The following ZAP70 variants were observed in gnomAD, a reference collection of about 807,000 sequenced individuals.
The protein encoded by ZAP70 is zeta chain of T cell receptor associated protein kinase 70, also known as tyrosine-protein kinase ZAP-70.
ZAP70 carries 27 observed loss-of-function variants against 65.8 expected under a neutral mutation model. The observed-to-expected ratio is 0.41, with a 90% CI of 0.30 to 0.57. ZAP70 has a LOEUF of 0.57. Ranked by LOEUF, ZAP70 falls within the 20% of genes least tolerant of loss-of-function variation. The pLI, the probability that ZAP70 is intolerant of heterozygous loss-of-function variation, is 0.28. For missense variants in ZAP70, 696 were observed against 870.5 expected (o/e 0.80, Z 2.52); for synonymous variants, 363 against 360.8 (o/e 1.01, Z -0.07).
chr2:97,716,748 T>C (rs942431808), intron 2 of ZAP70, among the ~76,000 whole-genome samples: 2 of 151,986 alleles, frequency 1.3e-5, no homozygotes, highest in African/African-American at 2.4e-5. Flanking sequence ...ATGAAGGGCC[T>C]TGGGGGCCAC....
the ZAP70 span, among the ~76,000 whole-genome samples, chr2:97,746,394 T>C: frequency 6.6e-6 from 1 of 152,244 alleles, no homozygotes; most frequent in Non-Finnish European, 1.5e-5. Context: ...ACAGTTACTC[T>C]CTGTAAGTCC....
downstream of ZAP70, among the ~76,000 whole-genome samples, chr2:97,740,089 C>T (rs903978666): frequency 1.3e-5 from 2 of 152,084 alleles, no homozygotes; most frequent in Non-Finnish European, 2.9e-5. Context: ...GGCTGCGTGC[C>T]TGGCTGAGCC....
intron 4 of ZAP70, among the ~76,000 whole-genome samples, chr2:97,732,262 T>G (rs368769590): frequency 1.4e-4 from 22 of 152,320 alleles, no homozygotes; most frequent in East Asian, 1.4e-3. Context: ...GTCAGTCTCG[T>G]GATGAGAAAG....
downstream of ZAP70, among the ~76,000 whole-genome samples, chr2:97,743,903 C>A (rs1005584044): frequency 9.2e-5 from 14 of 152,300 alleles, no homozygotes; most frequent in African/African-American, 1.4e-4. Flanking sequence ...TTGGTACTAG[C>A]CTCCTAATGG....
intron 13 of ZAP70, chr2:97,738,657 G>A (rs774947190): frequency 3.1e-4 from 62 of 199,280 alleles, no homozygotes; most frequent in Admixed American, 5.3e-4. Context: ...ACAAGCGGAC[G>A]CCCTAGACTG....
chr2:97,718,380 C>G (rs1677030272), intron 2 of ZAP70, among the ~76,000 whole-genome samples: 1 of 152,220 alleles, frequency 6.6e-6, no homozygotes, highest in Non-Finnish European at 1.5e-5. Flanking sequence ...CTTTTCATCT[C>G]TGCCACCTCT....
In ZAP70 at chr2:97,724,268, T is replaced by C. The variant is rs767405698; in HGVS notation, c.232T>C (p.Cys78Arg). ...TYAIAGGKAH[C>R]GPAELCEFYS... ...CGCCATTGCCGGCGGCAAAGCGCAC[T>C]GTGGACCGGCAGAGCTCTGCGAGTT... Residue 78 changes from cysteine to arginine, a missense_variant, in exon 3 of 14, where the codon TGT becomes CGT. Physicochemically the swap from Cys to Arg is radical, Grantham distance 180 (BLOSUM62 -3). This residue lies in a region of ZAP70 where 551 missense variants were observed against 630.0 expected (regional missense o/e 0.87). Coordinates refer to ENST00000264972, the MANE Select transcript of ZAP70 (RefSeq NM_001079.4). The C allele has an allele frequency of 5.6e-6, 9 of 1,604,636 alleles. No homozygotes were observed. In the East Asian group the frequency reaches 6.7e-5, roughly 12 times the overall value.
rs1677881680 is a variant in ZAP70, at chr2:97,736,386, C to A, written c.1289+930C>A. On this transcript the variant is annotated intron_variant, in intron 10 of 13. Transcript: ENST00000264972. The surrounding 1 kb of genome is among the most constrained non-coding windows in gnomAD (Gnocchi z 4.0). ...TGATCTGTGCCCTCTGGCTGGTGCACACACCTTCCCAGTGTGCCCCTGGCT... is the reference window on the plus strand; with the variant it reads ...TGATCTGTGCCCTCTGGCTGGTGCAAACACCTTCCCAGTGTGCCCCTGGCT... 6.6e-6 allele frequency among the ~76,000 whole-genome samples: 1 copy of A among 152,334 alleles called. No homozygotes were observed. The highest frequency in any genetic ancestry group is 2.4e-5 in the African/African-American group (1 of 41,576).
In ZAP70 at chr2:97,734,709, G is replaced by C. The variant is rs869025224; in HGVS notation, c.1079G>C (p.Arg360Pro). Residue 360 changes from arginine (R) to proline (P), a missense_variant, in exon 9 of 14, where the codon CGC becomes CCC. Physicochemically the swap from Arg to Pro is moderately radical, Grantham distance 103. Coordinates refer to ENST00000264972, the MANE Select transcript of ZAP70 (RefSeq NM_001079.4). ...GSVRQGVYRM[R>P]KKQIDVAIKV... ...GTGCGCCAGGGCGTGTACCGCATGCGCAAGTATGGCCGCCCCTGCCGTGGT... is the reference window on the plus strand; with the variant it reads ...GTGCGCCAGGGCGTGTACCGCATGCCCAAGTATGGCCGCCCCTGCCGTGGT... The C allele has an allele frequency of 5.0e-6, 8 of 1,613,540 alleles. No homozygotes were observed. The highest frequency in any genetic ancestry group is 1.7e-5 in the Admixed American group (1 of 60,010).
intron 2 of ZAP70, among the ~76,000 whole-genome samples, chr2:97,721,714 A>G (rs919966933): frequency 1.3e-5 from 2 of 148,332 alleles, no homozygotes; most frequent in East Asian, 2.0e-4. Flanking sequence ...TAGAGGCGTG[A>G]GCCACCGCAG....
At position 97,731,579 on chromosome 2, in the gene ZAP70, G is replaced by GA. The variant is rs1449329981; in HGVS notation, c.564-1302dup. ...ACCCTTCACTGCACTGTACTTCGGGGAACGTGCTGTCCAGGAATGGAGAGG... is the reference window on the plus strand; with the variant it reads ...ACCCTTCACTGCACTGTACTTCGGGGAAACGTGCTGTCCAGGAATGGAGAGG... On this transcript the variant is annotated intron_variant, in intron 4 of 13. Coordinates refer to ENST00000264972, the MANE Select transcript of ZAP70 (RefSeq NM_001079.4). This position sits in a 1 kb window ranked among gnomAD's most constrained non-coding sequence, Gnocchi z 4.0. Among the ~76,000 whole-genome samples, 4 of 152,174 alleles carry GA rather than the reference G, an allele frequency of 2.6e-5. No homozygotes were observed. The highest frequency in any genetic ancestry group is 4.4e-5 in the Non-Finnish European group (3 of 68,036).
chr2:97,732,740 C>G, intron 4 of ZAP70, 143 bp from the exon 5 acceptor site: 1 of 1,234,688 alleles, frequency 8.1e-7, no homozygotes, highest in East Asian at 2.5e-5. Flanking sequence ...TGATGGGGGC[C>G]TGGCCTGGCT....
chr2:97,734,885 C>G, intron 9 of ZAP70, 173 bp downstream of exon 9: 1 of 898,872 alleles, frequency 1.1e-6, no homozygotes, highest in South Asian at 1.6e-5. Context: ...CTCGGGACAC[C>G]TGACGGGGGT....
chr2:97,718,981 T>G (rs1217000917), intron 2 of ZAP70, among the ~76,000 whole-genome samples: 3 of 152,022 alleles, frequency 2.0e-5, no homozygotes, highest in East Asian at 1.9e-4. Flanking sequence ...GATGAAAGTA[T>G]GAACATCCAT....
the ZAP70 span, among the ~76,000 whole-genome samples, chr2:97,749,226 G>A: frequency 6.6e-6 from 1 of 152,040 alleles, no homozygotes; most frequent in Non-Finnish European, 1.5e-5. Flanking sequence ...AGCCAGGATG[G>A]TCTCGATCTC....
downstream of ZAP70, among the ~76,000 whole-genome samples, chr2:97,744,284 C>T (rs1007539568): frequency 1.3e-5 from 2 of 152,188 alleles, no homozygotes; most frequent in African/African-American, 4.8e-5. Flanking sequence ...ATGGCCTCTA[C>T]CCTGTAGACA....
chr2:97,725,226 T>G lies in ZAP70; in HGVS notation c.537T>G (p.Ser179=), dbSNP rs780338175. The change falls in exon 4 of 14, where the codon TCT becomes TCG. Residue 179 remains serine, a synonymous_variant. Transcript: ENST00000264972. ...TREEAERKLY[S]GAQTDGKFLL... ...AGGAGGCCGAGCGCAAACTTTACTC[T>G]GGGGCGCAGACCGACGGCAAGTTCC... 6.2e-7 allele frequency: 1 copy of G among 1,613,894 alleles called. No individual in the cohort carries two copies. The highest frequency in any genetic ancestry group is 1.3e-5 in the African/African-American group (1 of 75,012).
the ZAP70 span, among the ~76,000 whole-genome samples, chr2:97,755,816 G>A: frequency 7.2e-5 from 11 of 152,202 alleles, no homozygotes; most frequent in African/African-American, 2.4e-4. Flanking sequence ...GGCTGGTAAA[G>A]GTTGGCCAGT....
At chr2:97,726,154 C>T (rs977729225) in intron 4 of ZAP70, among the ~76,000 whole-genome samples, 1 of 150,684 alleles carries the variant, frequency 6.6e-6, no homozygotes, top group Non-Finnish European at 1.5e-5. Context: ...TAAATGTTAG[C>T]TTTTATATGT....
Sources: gnomAD v4.1 joint callset for allele counts (sites outside exome capture counted in the v4.1 genomes callset) on GRCh38, gnomAD v4.1.1 for gene constraint, gnomAD v4.1.1 regional missense constraint, Gnocchi (gnomAD v3.1) non-coding constraint, MANE v1.5 for transcripts, NCBI Gene and HGNC (gene_info 2026-07-23, HGNC 2026-07-21) for gene names.